The following USP25 variants were observed in gnomAD, a reference collection of about 807,000 sequenced individuals.
USP25 encodes ubiquitin carboxyl-terminal hydrolase 25.
USP25 carries 85 observed loss-of-function variants against 158.5 expected under a neutral mutation model. The observed-to-expected ratio is 0.54, with a 90% CI of 0.45 to 0.64. USP25 has a LOEUF of 0.64. Among genes scored for constraint, USP25 ranks in the 30% least tolerant of loss-of-function variants. The pLI, the probability that USP25 is intolerant of heterozygous loss-of-function variation, is 0.00. For missense variants in USP25, 1,242 were observed against 1,327.3 expected (o/e 0.94, Z 1.00); for synonymous variants, 464 against 460.4 (o/e 1.01, Z -0.10).
At chr21:15,863,462 T>G (rs1398289711) in intron 20 of USP25, among the ~76,000 whole-genome samples, 1 of 152,188 alleles carries the variant, frequency 6.6e-6, no homozygotes, top group African/African-American at 2.4e-5. Flanking sequence ...CAGCTAAAAG[T>G]TAATTGCAAT....
chr21:15,850,000 C>T (rs956568104), intron 20 of USP25, 128 bp downstream of exon 20: 5 of 622,146 alleles, frequency 8.0e-6, no homozygotes, highest in African/African-American at 5.6e-5. Flanking sequence ...TTATGGCCAC[C>T]GGATATCCTA....
intron 17 of USP25, 33 bp from the exon 18 acceptor site, chr21:15,842,365 A>G (rs2038376788): frequency 1.2e-6 from 2 of 1,606,076 alleles, no homozygotes; most frequent in Non-Finnish European, 8.5e-7. Context: ...TGTGGTTTAT[A>G]TTAGATATAT....
At chr21:15,782,964 A>G (rs976741788) in intron 4 of USP25, among the ~76,000 whole-genome samples, 1 of 152,226 alleles carries the variant, frequency 6.6e-6, no homozygotes, top group African/African-American at 2.4e-5. Flanking sequence ...GACATTAAAG[A>G]AACTTTTGAG....
intron 2 of USP25, among the ~76,000 whole-genome samples, chr21:15,763,299 A>G (rs2123408106): frequency 6.6e-6 from 1 of 152,224 alleles, no homozygotes; most frequent in Non-Finnish European, 1.5e-5. Flanking sequence ...TGAGGGTTCA[A>G]GGTGGGGTGT....
At chr21:15,756,553 A>G (rs1257963306) in intron 1 of USP25, among the ~76,000 whole-genome samples, 2 of 152,126 alleles carry the variant, frequency 1.3e-5, no homozygotes, top group Non-Finnish European at 1.5e-5. Flanking sequence ...ACAGATTTTA[A>G]AAATACCCAG....
chr21:15,855,593 C>T (rs1266244912), intron 20 of USP25, among the ~76,000 whole-genome samples: 1 of 152,202 alleles, frequency 6.6e-6, no homozygotes, highest in East Asian at 1.9e-4. Flanking sequence ...CCAACATTTC[C>T]ATGCTTAGCC....
intron 17 of USP25, among the ~76,000 whole-genome samples, chr21:15,836,109 G>T (rs1175053271): frequency 6.6e-6 from 1 of 152,034 alleles, no homozygotes; most frequent in African/African-American, 2.4e-5. Flanking sequence ...AATCTCTCAG[G>T]TGTTCACTAG....
intron 1 of USP25, among the ~76,000 whole-genome samples, chr21:15,736,243 G>A (rs1168196216): frequency 1.3e-5 from 2 of 151,936 alleles, no homozygotes; most frequent in Non-Finnish European, 2.9e-5. Context: ...GACTACAGGT[G>A]TACACCACCA....
At chr21:15,793,073 T>G (rs1398687259) in intron 5 of USP25, among the ~76,000 whole-genome samples, 4 of 151,626 alleles carry the variant, frequency 2.6e-5, no homozygotes, top group Non-Finnish European at 5.9e-5. Flanking sequence ...AATTTTAAAA[T>G]ATTAAGTATA....
At position 15,766,409 on chromosome 21, in the gene USP25, A is replaced by G. The variant is rs1207707109; in HGVS notation, c.268+268A>G. On this transcript the variant is annotated intron_variant, in intron 3 of 25. Transcript: ENST00000400183. The surrounding 1 kb of genome is among the most constrained non-coding windows in gnomAD (Gnocchi z 4.0). ...ATGGAATAGCTGCAGATATATTCATAAAAGGAAGAACTAGAATTTTTAGTG... is the reference window on the plus strand; with the variant it reads ...ATGGAATAGCTGCAGATATATTCATGAAAGGAAGAACTAGAATTTTTAGTG... Among the ~76,000 whole-genome samples the G allele has an allele frequency of 2.0e-5, 3 of 152,102 alleles. No homozygotes were observed. The highest frequency in any genetic ancestry group is 4.8e-5 in the African/African-American group (2 of 41,452).
In USP25 at chr21:15,799,847, A is replaced by C; in HGVS notation, c.642+4A>C. On this transcript the variant is annotated splice_donor_region_variant and intron_variant, in intron 6 of 25. Transcript: ENST00000400183. Reference sequence around the variant, plus strand: ...AGATTTACCCCGAAACCAAAAGGTAAAATTCAAAAGATTTTTTTAAGCAGT... The same window carrying C: ...AGATTTACCCCGAAACCAAAAGGTACAATTCAAAAGATTTTTTTAAGCAGT... The C allele has an allele frequency of 6.3e-7, 1 of 1,599,530 alleles. No individual in the cohort carries two copies. The highest frequency in any genetic ancestry group is 8.5e-7 in the Non-Finnish European group (1 of 1,171,500).
rs560823930 is a variant in USP25, at chr21:15,878,431, C to T, written c.3334C>T (p.Arg1112Ter). Residue 1112 changes from arginine to a stop codon, truncating the protein, a stop_gained, in exon 26 of 26, where the codon CGA becomes TGA. Coordinates refer to ENST00000400183, the MANE Select transcript of USP25 (RefSeq NM_001283041.3). LOFTEE classifies it high-confidence loss of function. ...STHELCERFA[R>*]IMLSLSRTPA... ...GCATGAACTCTGTGAGCGATTTGCC[C>T]GAATCATGTTGTCCCTCAGTCGAAC... 2.5e-6 allele frequency: 4 copies of T among 1,613,942 alleles called. No homozygotes were observed. The highest frequency in any genetic ancestry group is 1.7e-5 in the Admixed American group (1 of 59,996).
chr21:15,868,144 A>G (rs1191494701), intron 22 of USP25, among the ~76,000 whole-genome samples: 1 of 152,178 alleles, frequency 6.6e-6, no homozygotes, highest in Non-Finnish European at 1.5e-5. Flanking sequence ...TCCATATGCA[A>G]AAATTCATTT....
In USP25 at chr21:15,878,775, T is replaced by G. The variant is rs146075479; in HGVS notation, c.*300T>G. ...GCAGTATTACTTTGCTTTTATCTTT[T>G]CTTTCTCAACAGCTTTCCATTCAGT... On this transcript the variant is annotated 3_prime_UTR_variant, in exon 26 of 26. Transcript: ENST00000400183. 395 of 254,098 alleles carry G rather than the reference T, an allele frequency of 1.6e-3. No homozygotes were observed. The highest frequency in any genetic ancestry group is 8.3e-3 in the African/African-American group (371 of 44,644). The allele number at this position is 254,098 out of a possible 1,614,324, so 15.7% of individuals were successfully genotyped here.
At chr21:15,763,051 TTG>T in intron 2 of USP25, 83 bp downstream of exon 2, 5 of 1,298,090 alleles carry the variant, frequency 3.9e-6, no homozygotes, top group East Asian at 2.6e-5. Context: ...GATTTTTTTT[TTG>T]GGGTATACCA....
chr21:15,765,909 C>A (rs748216566), intron 2 of USP25, 88 bp from the exon 3 acceptor site: 18 of 1,368,528 alleles, frequency 1.3e-5, no homozygotes, highest in Non-Finnish European at 1.8e-5. Flanking sequence ...CAATTTTGTT[C>A]TAGAGAGTTA....
chr21:15,757,294 A>G (rs139549845), intron 1 of USP25, among the ~76,000 whole-genome samples: 1 of 152,002 alleles, frequency 6.6e-6, no homozygotes, highest in Non-Finnish European at 1.5e-5. Context: ...TAGCTAAGAA[A>G]ATTCTTTCAC....
At chr21:15,834,385 C>A (rs990833884) in intron 17 of USP25, among the ~76,000 whole-genome samples, 3 of 151,952 alleles carry the variant, frequency 2.0e-5, no homozygotes, top group African/African-American at 7.3e-5. Context: ...ATATATTTTC[C>A]TCAAACTCAT....
At chr21:15,865,264 T>C (rs2039605753) in intron 21 of USP25, among the ~76,000 whole-genome samples, 1 of 152,158 alleles carries the variant, frequency 6.6e-6, no homozygotes, top group Non-Finnish European at 1.5e-5. Flanking sequence ...TTGAAAGTTA[T>C]TTTCATATAT....
Sources: gnomAD v4.1 joint callset for allele counts (sites outside exome capture counted in the v4.1 genomes callset) on GRCh38, gnomAD v4.1.1 for gene constraint, Gnocchi (gnomAD v3.1) non-coding constraint, MANE v1.5 for transcripts, NCBI Gene and HGNC (gene_info 2026-07-23, HGNC 2026-07-21) for gene names.